PPP3CA: variants seen among roughly 807,000 people sequenced by gnomAD.
PPP3CA encodes protein phosphatase 3 catalytic subunit alpha.
PPP3CA carries 14 observed loss-of-function variants against 66.5 expected under a neutral mutation model. The observed-to-expected ratio is 0.21, with a 90% CI of 0.14 to 0.33. The LOEUF (loss-of-function observed/expected upper bound fraction) is 0.33, where lower values mean the gene tolerates loss of function less well. Among genes scored for constraint, PPP3CA ranks in the 10% least tolerant of loss-of-function variants. The pLI is 1.00. For synonymous variants in PPP3CA, 232 were observed against 226.2 expected, an observed-to-expected ratio of 1.03 and a Z score of -0.23; for missense variants, 317 against 639.5, an observed-to-expected ratio of 0.50 and a Z score of 5.44.
chr4:101,148,730 T>C (rs1208528616), intron 2 of PPP3CA, among the ~76,000 whole-genome samples: 3 of 152,140 alleles, frequency 2.0e-5, no homozygotes, highest in African/African-American at 7.2e-5. Context: ...ATGGTAAATG[T>C]ACCATCAGAC....
At chr4:101,286,537 T>C (rs890310832) in intron 1 of PPP3CA, among the ~76,000 whole-genome samples, 6 of 152,192 alleles carry the variant, frequency 3.9e-5, no homozygotes, top group Non-Finnish European at 8.8e-5. Context: ...ATGGAAGTTA[T>C]GAAGTTAATT....
At chr4:101,037,349 T>C (rs1191408017) in intron 11 of PPP3CA, among the ~76,000 whole-genome samples, 1 of 152,230 alleles carries the variant, frequency 6.6e-6, no homozygotes, top group Non-Finnish European at 1.5e-5. Context: ...AGACTTGTAT[T>C]TTATCTGCAA....
intron 8 of PPP3CA, among the ~76,000 whole-genome samples, chr4:101,073,688 T>G (rs1249686948): frequency 6.6e-6 from 1 of 152,202 alleles, no homozygotes; most frequent in Non-Finnish European, 1.5e-5. Flanking sequence ...TAATAATCAT[T>G]AAGAATAAAT....
chr4:101,138,997 T>C (rs993335559), intron 2 of PPP3CA, among the ~76,000 whole-genome samples: 1 of 152,210 alleles, frequency 6.6e-6, no homozygotes, highest in Non-Finnish European at 1.5e-5. Context: ...CTATTTTCCT[T>C]AATCCTCAAA....
chr4:101,227,979 G>A (rs1481414346), intron 1 of PPP3CA, among the ~76,000 whole-genome samples: 1 of 151,572 alleles, frequency 6.6e-6, no homozygotes, highest in African/African-American at 2.4e-5. Flanking sequence ...CAGTGATGGG[G>A]ATCTAGGTTG....
intron 6 of PPP3CA, among the ~76,000 whole-genome samples, chr4:101,090,556 C>T (rs146088705): frequency 0.052 from 7,727 of 147,308 alleles, 728 homozygotes; most frequent in African/African-American, 0.18. Context: ...ACAGGAGAAT[C>T]GCTTGAACCC....
At chr4:101,329,421 A>G (rs1318195004) in intron 1 of PPP3CA, among the ~76,000 whole-genome samples, 2 of 152,196 alleles carry the variant, frequency 1.3e-5, no homozygotes, top group African/African-American at 4.8e-5. Context: ...CATCTCCACA[A>G]CATAAAAATG....
rs1727842266 is a variant in PPP3CA at position 101,047,987 on chromosome 4, T to C, written c.1157-7421A>G. Among the ~76,000 whole-genome samples, 3 of 152,160 alleles carry C rather than the reference T, an allele frequency of 2.0e-5. No individual in the cohort carries two copies. In the South Asian group the frequency reaches 6.2e-4, roughly 31 times the overall value. Reference sequence around the variant, plus strand: ...ATAAAATTTTATTGGAATGCATCTCTTTAATGATAAAGAGGGGAGGGAAAT... The same window carrying C: ...ATAAAATTTTATTGGAATGCATCTCCTTAATGATAAAGAGGGGAGGGAAAT... On this transcript the variant is annotated intron_variant, in intron 10 of 13. Transcript: ENST00000394854.
intron 1 of PPP3CA, among the ~76,000 whole-genome samples, chr4:101,324,266 T>C (rs554029767): frequency 2.0e-5 from 3 of 151,376 alleles, no homozygotes; most frequent in East Asian, 3.9e-4. Flanking sequence ...CAGAGGCACA[T>C]AATTAACTTG....
intron 2 of PPP3CA, among the ~76,000 whole-genome samples, chr4:101,175,213 G>A (rs1470959636): frequency 2.0e-5 from 3 of 152,114 alleles, no homozygotes; most frequent in African/African-American, 4.8e-5. Flanking sequence ...GAAGGGGCCT[G>A]TAAAAGAAAA....
rs544217465 is a variant in PPP3CA, at chr4:101,076,551, C to T, written c.955+3981G>A. On this transcript the variant is annotated intron_variant, in intron 8 of 13. Transcript: ENST00000394854. ...CCACCAACAGAAGTCTTTATGGAAACGCAGACTGGAGTGGGTCTAGTCCAC... is the reference window on the plus strand; with the variant it reads ...CCACCAACAGAAGTCTTTATGGAAATGCAGACTGGAGTGGGTCTAGTCCAC... 8.0e-4 allele frequency among the ~76,000 whole-genome samples: 122 copies of T among 152,204 alleles called. 2 individuals are homozygous for T. The South Asian group carries it at 0.024, about 30-fold the overall frequency.
intron 1 of PPP3CA, among the ~76,000 whole-genome samples, chr4:101,338,142 A>G (rs1424236400): frequency 6.6e-6 from 1 of 152,052 alleles, no homozygotes; most frequent in African/African-American, 2.4e-5. Flanking sequence ...AGAAACCATC[A>G]CTCACCTTTG....
chr4:101,094,018 C>T, intron 5 of PPP3CA, 103 bp from the exon 6 acceptor site: 1 of 1,069,804 alleles, frequency 9.3e-7, no homozygotes, highest in Non-Finnish European at 1.3e-6. Flanking sequence ...CTCTTCTCCC[C>T]AGCTACAGCT....
chr4:101,038,041 T>A (rs1221767702), intron 11 of PPP3CA, among the ~76,000 whole-genome samples: 2 of 152,210 alleles, frequency 1.3e-5, no homozygotes, highest in African/African-American at 4.8e-5. Context: ...CACAGCAAAG[T>A]GAAGTCACCA....
intron 1 of PPP3CA, among the ~76,000 whole-genome samples, chr4:101,280,880 T>C (rs1405694467): frequency 6.7e-6 from 1 of 149,254 alleles, no homozygotes; most frequent in Non-Finnish European, 1.5e-5. Context: ...ATGCTTGAGC[T>C]CACTCCACAA....
chr4:101,182,375 G>C (rs1724262788), intron 2 of PPP3CA, among the ~76,000 whole-genome samples: 1 of 152,110 alleles, frequency 6.6e-6, no homozygotes, highest in Non-Finnish European at 1.5e-5. Context: ...GGAAGAGAAA[G>C]ACCTTGCTAT....
chr4:101,285,265 C>T (rs1727802549), intron 1 of PPP3CA, among the ~76,000 whole-genome samples: 1 of 152,102 alleles, frequency 6.6e-6, no homozygotes, highest in South Asian at 2.1e-4. Context: ...TTATCCTTAA[C>T]TTGCTTTCCT....
intron 10 of PPP3CA, among the ~76,000 whole-genome samples, chr4:101,059,474 C>A (rs1728367094): frequency 6.6e-6 from 1 of 152,058 alleles, no homozygotes; most frequent in African/African-American, 2.4e-5. Context: ...AAAAATAAAT[C>A]TCATACATTA....
chr4:101,088,972 A>G (rs1729794398), intron 6 of PPP3CA, among the ~76,000 whole-genome samples: 1 of 152,186 alleles, frequency 6.6e-6, no homozygotes, highest in Non-Finnish European at 1.5e-5. Context: ...CAAACAAAAA[A>G]CAGGAGGAAT....
Sources: gnomAD v4.1 joint callset for allele counts (sites outside exome capture counted in the v4.1 genomes callset) on GRCh38, gnomAD v4.1.1 for gene constraint, MANE v1.5 for transcripts, NCBI Gene and HGNC (gene_info 2026-07-23, HGNC 2026-07-21) for gene names.